The following TRIM51G variants were observed in gnomAD, a reference collection of about 807,000 sequenced individuals.
TRIM51G encodes tripartite motif-containing 51G, also known as tripartite motif-containing protein 51G.
the TRIM51G span, chr11:48,981,696 G>C: frequency 1.3e-6 from 2 of 1,598,138 alleles, no homozygotes; most frequent in Non-Finnish European, 1.7e-6. Flanking sequence ...CAGAATTCAT[G>C]TTTCTGAAGA....
the TRIM51G span, among the ~76,000 whole-genome samples, chr11:48,983,640 GATC>G: frequency 6.6e-6 from 1 of 151,268 alleles, no homozygotes; most frequent in South Asian, 2.1e-4. Flanking sequence ...TTACAAATAA[GATC>G]ATTAAGTAAG....
At chr11:48,976,252 T>C in the TRIM51G span, among the ~76,000 whole-genome samples, 2 of 152,174 alleles carry the variant, frequency 1.3e-5, no homozygotes, top group Non-Finnish European at 2.9e-5. Context: ...AAGACCAGCC[T>C]GTTTTAATCC....
the TRIM51G span, chr11:48,981,103 A>C: frequency 9.3e-7 from 1 of 1,079,922 alleles, no homozygotes. Context: ...TAGCCCACAG[A>C]AAATAGAGTT....
chr11:48,977,633 C>T, the TRIM51G span, among the ~76,000 whole-genome samples: 7 of 152,196 alleles, frequency 4.6e-5, no homozygotes, highest in African/African-American at 7.2e-5. Context: ...GAGGCCTACA[C>T]GGTTCAAACA....
chr11:48,981,180 T>C, the TRIM51G span: 4 of 1,512,938 alleles, frequency 2.6e-6, no homozygotes, highest in Admixed American at 1.9e-5. Flanking sequence ...ATAACAGACA[T>C]GTTTAAGGGG....
At chr11:48,979,385 T>C in the TRIM51G span, among the ~76,000 whole-genome samples, 1 of 152,184 alleles carries the variant, frequency 6.6e-6, no homozygotes, top group Non-Finnish European at 1.5e-5. Flanking sequence ...CAGTTTTTTC[T>C]TAAGAATCAA....
At chr11:48,981,613 A>G in the TRIM51G span, 63 of 1,600,676 alleles carry the variant, frequency 3.9e-5, no homozygotes, top group Middle Eastern at 2.3e-3. Flanking sequence ...CCCACAGTCT[A>G]TGGTGACTGG....
chr11:48,978,634 G>A, the TRIM51G span, among the ~76,000 whole-genome samples: 1 of 152,168 alleles, frequency 6.6e-6, no homozygotes, highest in Non-Finnish European at 1.5e-5. Flanking sequence ...TCTTGGGGAT[G>A]TCTGTTACCT....
the TRIM51G span, among the ~76,000 whole-genome samples, chr11:48,982,236 G>A: frequency 6.6e-6 from 1 of 152,070 alleles, no homozygotes; most frequent in Non-Finnish European, 1.5e-5. Context: ...AACCAGTCTA[G>A]GCTCACTAGG....
At chr11:48,978,108 G>A in the TRIM51G span, 1 of 510,794 alleles carries the variant, frequency 2.0e-6, no homozygotes, top group Non-Finnish European at 4.1e-6. Context: ...GAAACTGAAA[G>A]AATCTGCTAA....
the TRIM51G span, chr11:48,978,083 T>C: frequency 1.2e-4 from 58 of 491,446 alleles, no homozygotes; most frequent in Middle Eastern, 9.7e-4. Flanking sequence ...TCAAAGTTCC[T>C]GCTTGATATT....
chr11:48,976,302 G>T, the TRIM51G span, among the ~76,000 whole-genome samples: 1 of 152,036 alleles, frequency 6.6e-6, no homozygotes, highest in African/African-American at 2.4e-5. Flanking sequence ...TGCCCTGAAT[G>T]CCCTTTAGCT....
the TRIM51G span, chr11:48,975,869 G>A: frequency 1.1e-6 from 1 of 907,122 alleles, no homozygotes; most frequent in African/African-American, 1.6e-5. Context: ...GCCCCCCATT[G>A]AAGAAAACAT....
At chr11:48,980,864 C>T in the TRIM51G span, 1 of 463,286 alleles carries the variant, frequency 2.2e-6, no homozygotes, top group Non-Finnish European at 4.4e-6. Context: ...CCCATTTGTT[C>T]ACCATAAGTT....
chr11:48,980,816 C>A, the TRIM51G span: 2 of 411,214 alleles, frequency 4.9e-6, no homozygotes. Flanking sequence ...TTTCCAGAAA[C>A]ATTATGGGTT....
chr11:48,979,607 G>A, the TRIM51G span, among the ~76,000 whole-genome samples: 1 of 151,910 alleles, frequency 6.6e-6, no homozygotes, highest in Non-Finnish European at 1.5e-5. Flanking sequence ...CATCTTTGTG[G>A]TTCCTCAAAC....
chr11:48,983,007 G>A, the TRIM51G span, among the ~76,000 whole-genome samples: 3 of 83,342 alleles, frequency 3.6e-5, no homozygotes, highest in Non-Finnish European at 7.3e-5. Flanking sequence ...ACATCCTATG[G>A]TTCTGTCTCT....
chr11:48,979,936 T>C, the TRIM51G span, among the ~76,000 whole-genome samples: 1 of 151,918 alleles, frequency 6.6e-6, no homozygotes, highest in South Asian at 2.1e-4. Context: ...TGTGAATTTT[T>C]CCATGAGCCT....
At chr11:48,979,204 T>C in the TRIM51G span, 1 of 576,140 alleles carries the variant, frequency 1.7e-6, no homozygotes, top group Non-Finnish European at 3.3e-6. Flanking sequence ...TAATCCTCGA[T>C]CTTGTCAATT....
Sources: allele counts gnomAD v4.1 joint callset (sites outside exome capture counted in the v4.1 genomes callset), GRCh38; gene constraint gnomAD v4.1.1; transcripts MANE v1.5; gene names NCBI Gene and HGNC (gene_info 2026-07-23, HGNC 2026-07-21).